BCAS1: variants seen among roughly 807,000 people sequenced by gnomAD.
BCAS1 encodes brain enriched myelin associated protein 1, also known as breast carcinoma-amplified sequence 1.
A neutral mutation model predicts 65.4 loss-of-function variants in BCAS1; 46 were observed. The observed-to-expected ratio is 0.70, with a 90% CI of 0.55 to 0.90. BCAS1 has a LOEUF of 0.90. Among genes scored for constraint, BCAS1 ranks in the 40% least tolerant of loss-of-function variants. BCAS1 has a pLI of 0.00. For missense variants in BCAS1, 793 were observed against 771.2 expected (o/e 1.03, Z -0.33); for synonymous variants, 298 against 293.5 (o/e 1.02, Z -0.16).
intron 1 of BCAS1, among the ~76,000 whole-genome samples, chr20:54,065,113 C>CATCTATCTATCTATCTATCT (rs5841974): frequency 1.2e-4 from 17 of 144,278 alleles, no homozygotes; most frequent in South Asian, 2.3e-4. Context: ...ATCTATCTAT[C>CATCTATCTATCTATCTATCT]ATCTATCTAT....
chr20:53,967,180 A>C (rs1031388567), intron 9 of BCAS1, 107 bp from the exon 10 acceptor site: 7 of 1,153,438 alleles, frequency 6.1e-6, no homozygotes, highest in Admixed American at 2.3e-5. Flanking sequence ...TAGTAGCTAC[A>C]GTTTTGAATC....
rs746181056 is a variant in BCAS1 at position 54,028,530 on chromosome 20, G to C, written c.585C>G (p.Asp195Glu). The change falls in exon 4 of 13, where the codon GAC (aspartate) becomes GAG (glutamate). Residue 195 changes from aspartate to glutamate, a missense_variant. Coordinates refer to ENST00000688948, the MANE Select transcript of BCAS1 (RefSeq NM_001366298.2). ...GTCCCTTGTCCAGCTTGAAGAATTT[G>C]TCAAAAAAGCTGGAGTCCTTGGGCT... The part of the protein sequence containing the change: ...PSKPKDSSFF[D>E]KFFKLDKGQE... 1.9e-6 allele frequency: 3 copies of C among 1,614,166 alleles called. No individual in the cohort carries two copies. The highest frequency in any genetic ancestry group is 2.5e-6 in the Non-Finnish European group (3 of 1,180,028).
chr20:53,996,224 T>C (rs2090905988), intron 4 of BCAS1, among the ~76,000 whole-genome samples, 174 bp from the exon 5 acceptor site: 1 of 152,066 alleles, frequency 6.6e-6, no homozygotes, highest in Non-Finnish European at 1.5e-5. Flanking sequence ...TCCCTCCCCC[T>C]CTTTCTAACA....
At position 54,015,490 on chromosome 20, in the gene BCAS1, T is replaced by TA. The variant is rs149678474; in HGVS notation, c.723+12901dup. Among the ~76,000 whole-genome samples the TA allele has an allele frequency of 2.9e-3, 446 of 152,266 alleles. 2 individuals are homozygous for TA. The highest frequency in any genetic ancestry group is 0.01 in the African/African-American group (428 of 41,548). ...AAAATTCAATGAGTAGTTTTTTTTT[T>TA]ATAATGCATTCACATCTTTCAAGCC... On this transcript the variant is annotated intron_variant, in intron 4 of 12. Transcript: ENST00000688948.
intron 8 of BCAS1, among the ~76,000 whole-genome samples, chr20:53,982,948 A>G (rs1022932299): frequency 6.6e-6 from 1 of 152,190 alleles, no homozygotes; most frequent in African/African-American, 2.4e-5. Flanking sequence ...TGGGTGCAAG[A>G]AGGAGAGACA....
chr20:54,069,800 G>A (rs1601077179), intron 1 of BCAS1, among the ~76,000 whole-genome samples: 2 of 152,340 alleles, frequency 1.3e-5, no homozygotes, highest in South Asian at 4.1e-4. Flanking sequence ...GCCCAGGGTG[G>A]AGCTGGGGCT....
chr20:54,009,514 G>T lies in BCAS1; in HGVS notation c.724-13464C>A, dbSNP rs373176561. ...TCAAAAAACACAAACTATTATAACT[G>T]ACCCAATATAATATAAATGATTTAA... On this transcript the variant is annotated intron_variant, in intron 4 of 12. Transcript: ENST00000688948. Among the ~76,000 whole-genome samples the T allele has an allele frequency of 1.4e-4, 21 of 152,128 alleles. 1 individual carries two copies. Among genetic ancestry groups the T allele is most frequent in the East Asian group, 9.7e-4 (5 of 5,176 alleles).
chr20:53,955,717 T>C (rs974563843), intron 11 of BCAS1, among the ~76,000 whole-genome samples: 1 of 152,190 alleles, frequency 6.6e-6, no homozygotes, highest in East Asian at 1.9e-4. Flanking sequence ...GACACACCAG[T>C]GTTCTCAAGT....
chr20:54,057,607 G>A (rs2092314930), intron 3 of BCAS1, among the ~76,000 whole-genome samples: 1 of 152,206 alleles, frequency 6.6e-6, no homozygotes, highest in Admixed American at 6.5e-5. Context: ...TGCCCCCAAA[G>A]ATGCTGAAGT....
intron 4 of BCAS1, among the ~76,000 whole-genome samples, chr20:53,996,479 A>G (rs1000027085): frequency 6.7e-6 from 1 of 149,108 alleles, no homozygotes; most frequent in Admixed American, 6.6e-5. Context: ...AAAAAAAAAA[A>G]AAAGAAAAAG....
At chr20:53,978,468 C>T (rs1394941428) in intron 8 of BCAS1, among the ~76,000 whole-genome samples, 2 of 152,062 alleles carry the variant, frequency 1.3e-5, no homozygotes, top group Non-Finnish European at 2.9e-5. Context: ...AGATAAAAAA[C>T]ATGCAGTAAG....
chr20:54,027,639 AAGG>A (rs760643292), intron 4 of BCAS1, among the ~76,000 whole-genome samples: 4 of 152,162 alleles, frequency 2.6e-5, no homozygotes, highest in South Asian at 2.1e-4. Flanking sequence ...TTCTTCTTTT[AAGG>A]AGTTCTTTTC....
intron 9 of BCAS1, among the ~76,000 whole-genome samples, chr20:53,968,209 A>G (rs1256383390): frequency 6.6e-6 from 1 of 152,204 alleles, no homozygotes; most frequent in Non-Finnish European, 1.5e-5. Context: ...GATAAAATGT[A>G]TGGGATGGAG....
chr20:53,968,515 T>C (rs776590558), intron 9 of BCAS1, among the ~76,000 whole-genome samples: 13 of 152,366 alleles, frequency 8.5e-5, no homozygotes, highest in Middle Eastern at 3.4e-3. Flanking sequence ...GAAGAACCCT[T>C]AGTCTCTGTA....
At chr20:54,058,562 C>G in intron 2 of BCAS1, 85 bp downstream of exon 2, 1 of 1,529,554 alleles carries the variant, frequency 6.5e-7, no homozygotes, top group Non-Finnish European at 8.7e-7. Context: ...GCCAGGACTT[C>G]AGTCAACACA....
intron 3 of BCAS1, among the ~76,000 whole-genome samples, chr20:54,038,794 G>A (rs2091941830): frequency 6.6e-6 from 1 of 151,284 alleles, no homozygotes; most frequent in South Asian, 2.1e-4. Context: ...TGATCTGTCA[G>A]GATTCAGGAT....
intron 12 of BCAS1, among the ~76,000 whole-genome samples, chr20:53,949,222 AC>A (rs1491586530): frequency 8.7e-6 from 1 of 115,070 alleles, no homozygotes; most frequent in Admixed American, 8.3e-5. Context: ...ACACACACAC[AC>A]CCAGGTTTTG....
chr20:53,968,503 G>A (rs1472570454), intron 9 of BCAS1, among the ~76,000 whole-genome samples: 2 of 152,146 alleles, frequency 1.3e-5, no homozygotes, highest in Non-Finnish European at 2.9e-5. Flanking sequence ...TTTCCAAATC[G>A]AGAAGAACCC....
At chr20:54,068,947 A>G (rs1194790507) in intron 1 of BCAS1, among the ~76,000 whole-genome samples, 3 of 152,034 alleles carry the variant, frequency 2.0e-5, no homozygotes, top group Admixed American at 1.3e-4. Context: ...GGCAGAATCC[A>G]TGGGCTTTAA....
Sources: gnomAD v4.1 joint callset for allele counts (sites outside exome capture counted in the v4.1 genomes callset) on GRCh38, gnomAD v4.1.1 for gene constraint, MANE v1.5 for transcripts, NCBI Gene and HGNC (gene_info 2026-07-23, HGNC 2026-07-21) for gene names.